The following DAPK2 variants were observed in gnomAD, a reference collection of about 807,000 sequenced individuals.
DAPK2 encodes death-associated protein kinase 2.
A neutral mutation model predicts 44.1 loss-of-function variants in DAPK2; 35 were observed. The observed-to-expected ratio is 0.79, with a 90% CI of 0.61 to 1.05. The LOEUF (loss-of-function observed/expected upper bound fraction) is 1.05, where lower values mean the gene tolerates loss of function less well. Ranked by LOEUF, DAPK2 falls within the 50% of genes least tolerant of loss-of-function variation. The probability of loss-of-function intolerance (pLI) is 0.00; values close to 1 mark genes in which losing one functional copy is unlikely to be tolerated. For missense variants in DAPK2, 453 were observed against 483.2 expected, an observed-to-expected ratio of 0.94 and a Z score of 0.59; for synonymous variants, 174 against 182.6, an observed-to-expected ratio of 0.95 and a Z score of 0.38.
chr15:64,028,693 G>A (rs1450325443), intron 1 of DAPK2, among the ~76,000 whole-genome samples: 1 of 152,078 alleles, frequency 6.6e-6, no homozygotes, highest in Non-Finnish European at 1.5e-5. Context: ...GGGGTGAAGA[G>A]GCATAATGTC....
At chr15:63,930,322 T>A in intron 5 of DAPK2, 85 bp downstream of exon 6, 1 of 1,305,518 alleles carries the variant, frequency 7.7e-7, no homozygotes, top group Middle Eastern at 1.9e-4. Flanking sequence ...CTTTCATGGT[T>A]AAGCGGATGT....
intron 10 of DAPK2, 190 bp downstream of exon 11, chr15:63,911,718 C>G (rs972472886): frequency 1.6e-6 from 1 of 629,024 alleles, no homozygotes; most frequent in Admixed American, 2.7e-5. Context: ...CGGCACCACC[C>G]AGAGGTCCCC....
chr15:63,960,779 T>C (rs1487130868), intron 3 of DAPK2, among the ~76,000 whole-genome samples: 3 of 152,202 alleles, frequency 2.0e-5, no homozygotes, highest in Non-Finnish European at 4.4e-5. Context: ...ATGTGGTCAA[T>C]TTTGGAATAA....
At chr15:63,924,855 C>T in exon 8 of DAPK2, 1 of 1,614,150 alleles carries the variant, frequency 6.2e-7, no homozygotes, top group African/African-American at 1.3e-5. Context: ...GGATTGTGAG[C>T]CGTTTCCTGC....
chr15:63,969,280 C>T (rs2140720470), intron 3 of DAPK2, among the ~76,000 whole-genome samples: 1 of 151,220 alleles, frequency 6.6e-6, no homozygotes. Context: ...ATTAGCTGGC[C>T]ATGGTGGCAT....
In DAPK2 at chr15:63,966,401, G is replaced by A. The variant is rs1595816511; in HGVS notation, c.453+5022C>T. ...CAAGCTGTGCTGCCAGGGGCTGAGG[G>A]AGGTGTGGTACAAGCACTTCCTTGG... On this transcript the variant is annotated intron_variant, in intron 3 of 10. Coordinates refer to ENST00000261891, the Ensembl canonical transcript of DAPK2. The surrounding 1 kb of genome is among the most constrained non-coding windows in gnomAD (Gnocchi z 5.5). 6.6e-6 allele frequency among the ~76,000 whole-genome samples: 1 copy of A among 152,206 alleles called. No individual in the cohort carries two copies. The highest frequency in any genetic ancestry group is 2.4e-5 in the African/African-American group (1 of 41,444).
upstream of DAPK2, among the ~76,000 whole-genome samples, chr15:64,043,641 G>A (rs1327917305): frequency 6.6e-6 from 1 of 152,210 alleles, no homozygotes; most frequent in East Asian, 1.9e-4. Context: ...TGCCAGCAAT[G>A]TTGTTTCCTG....
chr15:63,926,170 G>A (rs927817140), intron 6 of DAPK2, 77 bp from the exon 8 acceptor site: 6 of 1,503,216 alleles, frequency 4.0e-6, no homozygotes, highest in Non-Finnish European at 5.4e-6. Flanking sequence ...GGGGAACCCT[G>A]CCCCATGACT....
At chr15:63,995,850 T>G (rs2078937992) in intron 1 of DAPK2, among the ~76,000 whole-genome samples, 1 of 152,190 alleles carries the variant, frequency 6.6e-6, no homozygotes, top group African/African-American at 2.4e-5. Context: ...AAGACCCCTT[T>G]AGAGAGGCAA....
chr15:63,927,171 A>T (rs2079313191), intron 6 of DAPK2, among the ~76,000 whole-genome samples: 1 of 152,162 alleles, frequency 6.6e-6, no homozygotes, highest in African/African-American at 2.4e-5. Flanking sequence ...ATCCTGGCCC[A>T]CACTAAGGGC....
intron 3 of DAPK2, among the ~76,000 whole-genome samples, chr15:63,952,747 A>G (rs2077625855): frequency 6.6e-6 from 1 of 152,090 alleles, no homozygotes. Context: ...CATAATAATC[A>G]TATCAGGATG....
chr15:63,924,945 T>G, intron 7 of DAPK2, 84 bp from the exon 9 acceptor site: 1 of 1,488,552 alleles, frequency 6.7e-7, no homozygotes, highest in Admixed American at 1.9e-5. Flanking sequence ...TTTTTAGACC[T>G]ATATTTTGGC....
rs772089322 is a variant in DAPK2, at chr15:63,980,214, G to A, written c.314+3319C>T. On this transcript the variant is annotated intron_variant, in intron 2 of 10. Transcript: ENST00000261891. The surrounding 1 kb of genome is among the most constrained non-coding windows in gnomAD (Gnocchi z 4.3). The stretch of plus-strand genomic sequence containing the variant: ...GGTGCACCTGAGCTCACAAGAAGCC[G>A]GCACATAACTGGCTGACCATGAGCC... Among the ~76,000 whole-genome samples the A allele has an allele frequency of 6.6e-6, 1 of 152,112 alleles. No individual in the cohort carries two copies. The highest frequency in any genetic ancestry group is 1.5e-5 in the Non-Finnish European group (1 of 68,022).
At chr15:63,910,611 A>C (rs1347580403) in intron 10 of DAPK2, 2 of 152,250 alleles carry the variant, frequency 1.3e-5, no homozygotes, top group Non-Finnish European at 2.9e-5. Context: ...TGTGATCATA[A>C]TTCACTGTAA....
At chr15:63,987,545 T>TGC (rs1291128588) in intron 1 of DAPK2, among the ~76,000 whole-genome samples, 1 of 152,206 alleles carries the variant, frequency 6.6e-6, no homozygotes, top group Non-Finnish European at 1.5e-5. Context: ...TCAATACCTA[T>TGC]GCATGGTCTA....
At chr15:63,993,897 T>C (rs969889542) in intron 1 of DAPK2, among the ~76,000 whole-genome samples, 4 of 152,096 alleles carry the variant, frequency 2.6e-5, no homozygotes, top group African/African-American at 9.7e-5. Context: ...ATATGAAACA[T>C]TCCACAGACA....
chr15:63,922,735 T>C, intron 8 of DAPK2: 1 of 1,514,646 alleles, frequency 6.6e-7, no homozygotes, highest in Non-Finnish European at 8.8e-7. Flanking sequence ...ATTCTGGCGA[T>C]TAGAGCTTCC....
At chr15:63,935,623 G>C (rs1209332389) in intron 4 of DAPK2, 1 of 151,926 alleles carries the variant, frequency 6.6e-6, no homozygotes, top group Non-Finnish European at 1.5e-5. Flanking sequence ...GTTTTTTTCT[G>C]CCTGGTATAT....
At chr15:63,988,872 A>T (rs2078737646) in intron 1 of DAPK2, among the ~76,000 whole-genome samples, 1 of 151,850 alleles carries the variant, frequency 6.6e-6, no homozygotes, top group African/African-American at 2.4e-5. Flanking sequence ...TATCATTTTT[A>T]GTTCCATTTC....
Sources: allele counts gnomAD v4.1 joint callset (sites outside exome capture counted in the v4.1 genomes callset), GRCh38; gene constraint gnomAD v4.1.1; non-coding constraint Gnocchi (gnomAD v3.1); transcripts MANE v1.5; gene names NCBI Gene and HGNC (gene_info 2026-07-23, HGNC 2026-07-21).